The following CMIP variants were observed in gnomAD, a reference collection of about 807,000 sequenced individuals.
CMIP encodes c-Maf inducing protein.
Under a neutral mutation model 97.3 loss-of-function variants are expected in CMIP, and 13 were observed. The ratio of observed to expected loss-of-function variants is 0.13; its 90% CI spans 0.09 to 0.21. The LOEUF is 0.21. Among genes scored for constraint, CMIP ranks in the 10% least tolerant of loss-of-function variants. The pLI is 1.00. For missense variants in CMIP, 847 were observed against 1,024.9 expected, an observed-to-expected ratio of 0.83 and a Z score of 2.37; for synonymous variants, 538 against 436.3, an observed-to-expected ratio of 1.23 and a Z score of -2.91.
chr16:81,548,525 T>TCC (rs1171177514), intron 1 of CMIP, among the ~76,000 whole-genome samples: 2 of 151,940 alleles, frequency 1.3e-5, no homozygotes, highest in African/African-American at 4.8e-5. Flanking sequence ...ACAGCACCCT[T>TCC]CCACCCCAGT....
intron 1 of CMIP, among the ~76,000 whole-genome samples, chr16:81,516,049 T>C (rs1015629463): frequency 2.0e-5 from 3 of 152,192 alleles, no homozygotes; most frequent in African/African-American, 7.2e-5. Flanking sequence ...GGCAGCTTCC[T>C]GCTGTTGCTA....
chr16:81,656,182 C>G (rs1421861593), intron 4 of CMIP, among the ~76,000 whole-genome samples: 1 of 152,222 alleles, frequency 6.6e-6, no homozygotes, highest in Non-Finnish European at 1.5e-5. Context: ...GTTGTTCATT[C>G]AGATGCTGAC....
chr16:81,625,181 G>T (rs902820200), intron 3 of CMIP, among the ~76,000 whole-genome samples: 1 of 152,208 alleles, frequency 6.6e-6, no homozygotes, highest in Non-Finnish European at 1.5e-5. Context: ...CTGCCATGTT[G>T]GTCTGGGAGA....
At chr16:81,490,566 G>T (rs934846347) in intron 1 of CMIP, among the ~76,000 whole-genome samples, 2 of 152,212 alleles carry the variant, frequency 1.3e-5, no homozygotes, top group African/African-American at 4.8e-5. Flanking sequence ...GTTGCAGTGA[G>T]CCGGGATTAC....
intron 1 of CMIP, among the ~76,000 whole-genome samples, chr16:81,508,822 T>A (rs2089758535): frequency 6.6e-6 from 1 of 152,218 alleles, no homozygotes; most frequent in African/African-American, 2.4e-5. Flanking sequence ...AGGATGGGGA[T>A]CCTCATGGTG....
chr16:81,507,420 G>A (rs2089729904), intron 1 of CMIP, among the ~76,000 whole-genome samples: 1 of 152,192 alleles, frequency 6.6e-6, no homozygotes, highest in African/African-American at 2.4e-5. Flanking sequence ...AATTGGGTGT[G>A]TCCTCTATGT....
chr16:81,636,868 G>T (rs900121856), intron 3 of CMIP, among the ~76,000 whole-genome samples: 2 of 133,824 alleles, frequency 1.5e-5, no homozygotes, highest in African/African-American at 5.8e-5. Context: ...CTGAAGCCCC[G>T]TGAATTAGAT....
At chr16:81,532,812 T>C (rs760671127) in intron 1 of CMIP, among the ~76,000 whole-genome samples, 2 of 152,210 alleles carry the variant, frequency 1.3e-5, no homozygotes, top group Non-Finnish European at 2.9e-5. Context: ...AATGATTAAC[T>C]GTGTGACCTT....
intron 1 of CMIP, among the ~76,000 whole-genome samples, chr16:81,587,408 C>T (rs937568353): frequency 4.6e-5 from 7 of 152,152 alleles, no homozygotes; most frequent in Non-Finnish European, 1.0e-4. Flanking sequence ...GTGTCTGTGC[C>T]ATATGTACTC....
At chr16:81,702,796 A>T in intron 17 of CMIP, 127 bp downstream of exon 17, 2 of 778,158 alleles carry the variant, frequency 2.6e-6, no homozygotes, top group Non-Finnish European at 2.2e-6. Flanking sequence ...AGGACCCCCT[A>T]GTACTTAACA....
chr16:81,495,628 C>A, intron 1 of CMIP: 1 of 856,802 alleles, frequency 1.2e-6, no homozygotes, highest in Admixed American at 2.7e-5. Flanking sequence ...GTCTGCTAAT[C>A]TGAGAGACCC....
intron 1 of CMIP, among the ~76,000 whole-genome samples, chr16:81,532,627 C>T (rs573111907): frequency 1.3e-5 from 2 of 152,196 alleles, no homozygotes; most frequent in East Asian, 1.9e-4. Flanking sequence ...CAGCGGGAGG[C>T]GAAGCCAGGA....
chr16:81,647,693 C>T (rs888557796), intron 3 of CMIP, among the ~76,000 whole-genome samples: 5 of 152,098 alleles, frequency 3.3e-5, no homozygotes, highest in Non-Finnish European at 5.9e-5. Context: ...ATTCCGGAGG[C>T]GTCCCTATCC....
rs763176451 is a variant in CMIP at position 81,652,245 on chromosome 16, C to T, written c.520C>T (p.Arg174Cys). The T allele has an allele frequency of 2.5e-6, 4 of 1,613,644 alleles. No individual in the cohort carries two copies. The highest frequency in any genetic ancestry group is 2.2e-5 in the East Asian group (1 of 44,884). Residue 174 changes from arginine (R) to cysteine (C), a missense_variant, in exon 4 of 21, where the codon CGC becomes TGC. Physicochemically the swap from Arg to Cys is radical, Grantham distance 180 (BLOSUM62 -3). This residue lies in a region of CMIP where 285 missense variants were observed against 392.2 expected (regional missense o/e 0.73). Coordinates refer to ENST00000537098, the MANE Select transcript of CMIP (RefSeq NM_198390.3). The surrounding 1 kb of genome is among the most constrained non-coding windows in gnomAD (Gnocchi z 5.2). ...KYKKVLSNPS[R>C]WEVVLKEIRT... is the part of the protein sequence containing the mutation. The stretch of plus-strand genomic sequence containing the variant: ...TAAGAAAGTGCTGAGTAACCCAAGC[C>T]GCTGGGAAGTTGTCTTGAAAGAGAT...
chr16:81,455,335 A>G (rs770822577), intron 1 of CMIP, among the ~76,000 whole-genome samples: 1 of 152,192 alleles, frequency 6.6e-6, no homozygotes, highest in Non-Finnish European at 1.5e-5. Flanking sequence ...CCAGTTAGAT[A>G]CTGTTACTCT....
chr16:81,513,501 A>G (rs1193664219), intron 1 of CMIP, among the ~76,000 whole-genome samples: 1 of 152,210 alleles, frequency 6.6e-6, no homozygotes, highest in East Asian at 1.9e-4. Flanking sequence ...GCCAGTTTGC[A>G]AATAGAGCTG....
intron 1 of CMIP, among the ~76,000 whole-genome samples, chr16:81,522,097 G>C (rs1158761200): frequency 6.6e-6 from 1 of 152,198 alleles, no homozygotes; most frequent in African/African-American, 2.4e-5. Context: ...CACTTGATAA[G>C]GCTGCCACTG....
chr16:81,624,462 C>G (rs1033995775), intron 3 of CMIP, among the ~76,000 whole-genome samples: 1 of 150,366 alleles, frequency 6.7e-6, no homozygotes, highest in African/African-American at 2.5e-5. Context: ...CACTTCCAGC[C>G]TGGGCGAAAG....
chr16:81,666,861 G>A (rs1002419097), intron 7 of CMIP: 1 of 152,238 alleles, frequency 6.6e-6, no homozygotes, highest in African/African-American at 2.4e-5. Context: ...AACAACACAG[G>A]CGGTGGGCGA....
Sources: gnomAD v4.1 joint callset for allele counts (sites outside exome capture counted in the v4.1 genomes callset) on GRCh38, gnomAD v4.1.1 for gene constraint, gnomAD v4.1.1 regional missense constraint, Gnocchi (gnomAD v3.1) non-coding constraint, MANE v1.5 for transcripts, NCBI Gene and HGNC (gene_info 2026-07-23, HGNC 2026-07-21) for gene names.